ITFG1: variants seen among roughly 807,000 people sequenced by gnomAD.
ITFG1 encodes T-cell immunomodulatory protein.
A neutral mutation model predicts 81.8 loss-of-function variants in ITFG1; 34 were observed. That is an observed-to-expected ratio of 0.42 (90% CI 0.32 to 0.55). The LOEUF is 0.55. Among genes scored for constraint, ITFG1 ranks in the 20% least tolerant of loss-of-function variants. The probability of loss-of-function intolerance (pLI) is 0.17; values close to 1 mark genes in which losing one functional copy is unlikely to be tolerated. For missense variants in ITFG1, 672 were observed against 755.4 expected, an observed-to-expected ratio of 0.89 and a Z score of 1.29; for synonymous variants, 285 against 270.6, an observed-to-expected ratio of 1.05 and a Z score of -0.52.
chr16:47,406,313 C>T (rs1434456981), intron 6 of ITFG1, among the ~76,000 whole-genome samples: 2 of 152,138 alleles, frequency 1.3e-5, no homozygotes, highest in Non-Finnish European at 2.9e-5. Context: ...AGATAAAATT[C>T]CCACAGCCAA....
intron 10 of ITFG1, among the ~76,000 whole-genome samples, chr16:47,285,592 A>G (rs1310048122): frequency 1.3e-5 from 2 of 152,084 alleles, no homozygotes; most frequent in Non-Finnish European, 2.9e-5. Flanking sequence ...TGGATCTGAC[A>G]CTATCTCCAG....
chr16:47,337,259 G>C (rs1026662674), intron 8 of ITFG1, among the ~76,000 whole-genome samples: 5 of 151,958 alleles, frequency 3.3e-5, no homozygotes, highest in Non-Finnish European at 5.9e-5. Context: ...TCAGCTGGAA[G>C]GTCAGTGGAA....
At chr16:47,399,656 G>A (rs758954951) in intron 6 of ITFG1, among the ~76,000 whole-genome samples, 1 of 151,862 alleles carries the variant, frequency 6.6e-6, no homozygotes, top group Non-Finnish European at 1.5e-5. Flanking sequence ...ATTTCGTGCA[G>A]AATACACTTA....
At chr16:47,328,455 AAAACTT>A (rs1967591640) in intron 8 of ITFG1, among the ~76,000 whole-genome samples, 1 of 152,102 alleles carries the variant, frequency 6.6e-6, no homozygotes, top group African/African-American at 2.4e-5. Context: ...TATGTACCCT[AAAACTT>A]AAAGTATAAT....
intron 10 of ITFG1, among the ~76,000 whole-genome samples, chr16:47,264,125 A>G (rs1966245238): frequency 6.6e-6 from 1 of 152,206 alleles, no homozygotes; most frequent in Non-Finnish European, 1.5e-5. Flanking sequence ...AACATTCAAT[A>G]GAGAGATTTA....
chr16:47,408,117 T>C (rs1968752406), intron 6 of ITFG1, among the ~76,000 whole-genome samples: 1 of 152,260 alleles, frequency 6.6e-6, no homozygotes, highest in Non-Finnish European at 1.5e-5. Flanking sequence ...GATGCCAGGC[T>C]ATAACCACTT....
At chr16:47,200,565 A>T (rs1326431104) in intron 14 of ITFG1, among the ~76,000 whole-genome samples, 1 of 152,254 alleles carries the variant, frequency 6.6e-6, no homozygotes, top group Non-Finnish European at 1.5e-5. Context: ...AAGCTGAATT[A>T]CTTATAGGTC....
At chr16:47,456,692 TAAAAA>T (rs550072378) in intron 2 of ITFG1, among the ~76,000 whole-genome samples, 1 of 95,038 alleles carries the variant, frequency 1.1e-5, no homozygotes, top group African/African-American at 4.0e-5. Context: ...ACTCTGTCTC[TAAAAA>T]AAAAAAAAAA....
chr16:47,311,529 T>C (rs750476150), intron 9 of ITFG1, 117 bp from the exon 10 acceptor site: 1 of 700,726 alleles, frequency 1.4e-6, no homozygotes, highest in Non-Finnish European at 2.2e-6. Context: ...TTAACTTTTT[T>C]ATCTCTACAA....
chr16:47,432,214 G>A (rs147813632), intron 5 of ITFG1, among the ~76,000 whole-genome samples: 15 of 152,172 alleles, frequency 9.9e-5, no homozygotes, highest in African/African-American at 2.2e-4. Context: ...AGTCACTACC[G>A]TTTTCATAGT....
At chr16:47,199,699 G>A (rs1219790965) in intron 14 of ITFG1, among the ~76,000 whole-genome samples, 1 of 151,904 alleles carries the variant, frequency 6.6e-6, no homozygotes, top group Non-Finnish European at 1.5e-5. Context: ...GATGGTTTTG[G>A]GATGATTCAA....
rs796851736 is a variant in ITFG1 at position 47,205,746 on chromosome 16, G to A, written c.1453+13122C>T. 7.0e-4 allele frequency among the ~76,000 whole-genome samples: 106 copies of A among 152,188 alleles called. 1 individual carries two copies. Among genetic ancestry groups the A allele is most frequent in the African/African-American group, 2.4e-3 (98 of 41,520 alleles). Reference sequence around the variant, plus strand: ...CACACAGAGATTGAACATCCACTCCGATCGTATCATCAACCAGTGTGCAAT... The same window carrying A: ...CACACAGAGATTGAACATCCACTCCAATCGTATCATCAACCAGTGTGCAAT... On this transcript the variant is annotated intron_variant, in intron 14 of 17. Coordinates refer to ENST00000320640, the MANE Select transcript of ITFG1 (RefSeq NM_030790.5).
chr16:47,293,181 A>AATGATACATATTATATATCATATATAAAT (rs1966933198), intron 10 of ITFG1, among the ~76,000 whole-genome samples: 5 of 142,828 alleles, frequency 3.5e-5, no homozygotes, highest in African/African-American at 1.1e-4. Context: ...ATCATATACA[A>AATGATACATATTATATATCATATATAAAT]ATGATATATA....
chr16:47,244,588 C>A (rs913928308), intron 12 of ITFG1, among the ~76,000 whole-genome samples: 4 of 134,892 alleles, frequency 3.0e-5, no homozygotes, highest in African/African-American at 8.4e-5. Flanking sequence ...GGTATTCCAT[C>A]TTTTGTGTGT....
At chr16:47,346,925 C>A (rs1247857335) in intron 8 of ITFG1, among the ~76,000 whole-genome samples, 3 of 152,180 alleles carry the variant, frequency 2.0e-5, no homozygotes, top group Non-Finnish European at 4.4e-5. Context: ...CAAAATTACT[C>A]TGATATCAAA....
intron 13 of ITFG1, among the ~76,000 whole-genome samples, chr16:47,224,760 C>T (rs1000356799): frequency 6.6e-6 from 1 of 152,116 alleles, no homozygotes; most frequent in Non-Finnish European, 1.5e-5. Context: ...GTTAGATTTA[C>T]TAGGCAAAGA....
At chr16:47,305,948 C>G (rs1316987540) in intron 10 of ITFG1, among the ~76,000 whole-genome samples, 1 of 152,052 alleles carries the variant, frequency 6.6e-6, no homozygotes, top group African/African-American at 2.4e-5. Flanking sequence ...ATCAGTAAAC[C>G]CTGTAGCTAA....
intron 8 of ITFG1, among the ~76,000 whole-genome samples, chr16:47,356,233 G>A (rs1968037974): frequency 6.6e-6 from 1 of 152,122 alleles, no homozygotes; most frequent in African/African-American, 2.4e-5. Flanking sequence ...AAGATTACTT[G>A]AGATAAATGT....
intron 11 of ITFG1, 139 bp from the exon 12 acceptor site, chr16:47,258,879 C>T (rs1409621567): frequency 2.1e-6 from 1 of 481,454 alleles, no homozygotes; most frequent in Non-Finnish European, 3.6e-6. Flanking sequence ...AATAAAATCG[C>T]TATTAAAAAT....
Sources: gnomAD v4.1 joint callset for allele counts (sites outside exome capture counted in the v4.1 genomes callset) on GRCh38, gnomAD v4.1.1 for gene constraint, MANE v1.5 for transcripts, NCBI Gene and HGNC (gene_info 2026-07-23, HGNC 2026-07-21) for gene names.